The following PDE4D variants were observed in gnomAD, a reference collection of about 807,000 sequenced individuals.
PDE4D encodes the protein 3',5'-cyclic-AMP phosphodiesterase 4D.
PDE4D carries 24 observed loss-of-function variants against 87.4 expected under a neutral mutation model. The observed-to-expected ratio is 0.27, with a 90% CI of 0.20 to 0.39. The LOEUF (loss-of-function observed/expected upper bound fraction) is 0.39. Ranked by LOEUF, PDE4D falls within the 10% of genes least tolerant of loss-of-function variation. The probability of loss-of-function intolerance (pLI) is 1.00; values close to 1 mark genes in which losing one functional copy is unlikely to be tolerated. For synonymous variants in PDE4D, 384 were observed against 383.2 expected (o/e 1.00, Z -0.02); for missense variants, 714 against 1,041.0 (o/e 0.69, Z 4.32).
At chr5:59,077,728 T>C (rs1765954949) in intron 5 of PDE4D, among the ~76,000 whole-genome samples, 1 of 152,192 alleles carries the variant, frequency 6.6e-6, no homozygotes, top group African/African-American at 2.4e-5. Flanking sequence ...GTCAGTCAGC[T>C]ACTCTGGAGG....
chr5:59,021,006 G>C (rs1439326036), intron 6 of PDE4D, among the ~76,000 whole-genome samples: 2 of 152,188 alleles, frequency 1.3e-5, no homozygotes, highest in East Asian at 1.9e-4. Context: ...CCCAGGAAGA[G>C]ACAACTACTA....
intron 1 of PDE4D, among the ~76,000 whole-genome samples, chr5:60,246,136 T>C (rs1379833825): frequency 6.6e-6 from 1 of 151,880 alleles, no homozygotes; most frequent in African/African-American, 2.4e-5. Flanking sequence ...TTTTCTTATA[T>C]AGGCATTTAA....
intron 2 of PDE4D, among the ~76,000 whole-genome samples, chr5:60,121,879 C>T (rs1490054426): frequency 3.9e-5 from 6 of 152,068 alleles, no homozygotes; most frequent in Non-Finnish European, 8.8e-5. Context: ...CCTATGAGCC[C>T]GTAAAATCAA....
intron 2 of PDE4D, among the ~76,000 whole-genome samples, chr5:59,196,797 G>T (rs1216334233): frequency 6.6e-6 from 1 of 152,032 alleles, no homozygotes; most frequent in African/African-American, 2.4e-5. Flanking sequence ...ATAGTTCAAT[G>T]GTTTCTGACA....
At chr5:59,844,957 T>C (rs1381415335) in intron 1 of PDE4D, among the ~76,000 whole-genome samples, 1 of 151,958 alleles carries the variant, frequency 6.6e-6, no homozygotes, top group African/African-American at 2.4e-5. Context: ...AGTGGCCACG[T>C]TGTGAGAGGA....
At chr5:59,156,320 A>AATATATATATATATATAT (rs1554082853) in intron 5 of PDE4D, among the ~76,000 whole-genome samples, 12 of 81,772 alleles carry the variant, frequency 1.5e-4, no homozygotes, top group African/African-American at 3.1e-4. Flanking sequence ...AAAAAAAAAA[A>AATATATATATATATATAT]ATATATATAT....
At chr5:59,999,573 C>T (rs1175487801) in intron 2 of PDE4D, among the ~76,000 whole-genome samples, 1 of 145,414 alleles carries the variant, frequency 6.9e-6, no homozygotes, top group African/African-American at 2.5e-5. Flanking sequence ...CCCAAAATCT[C>T]TATGTGGGCT....
intron 1 of PDE4D, among the ~76,000 whole-genome samples, chr5:59,610,335 A>G (rs946477414): frequency 6.6e-6 from 1 of 152,210 alleles, no homozygotes; most frequent in African/African-American, 2.4e-5. Flanking sequence ...TATATCTACC[A>G]GCTTGAAGAT....
intron 2 of PDE4D, among the ~76,000 whole-genome samples, chr5:60,093,902 C>G (rs1368749167): frequency 2.0e-5 from 3 of 151,812 alleles, no homozygotes; most frequent in Non-Finnish European, 4.4e-5. Flanking sequence ...AGATAATATA[C>G]CAACAATTAT....
intron 1 of PDE4D, among the ~76,000 whole-genome samples, chr5:59,492,407 A>G (rs1217701228): frequency 1.3e-5 from 2 of 152,188 alleles, no homozygotes; most frequent in African/African-American, 4.8e-5. Context: ...AATTTCTACA[A>G]CATTTTACTT....
chr5:59,857,270 G>A (rs13170164), intron 1 of PDE4D, among the ~76,000 whole-genome samples: 1 of 152,076 alleles, frequency 6.6e-6, no homozygotes, highest in Admixed American at 6.6e-5. Flanking sequence ...TGCTTGGTAT[G>A]GAGAATAATA....
At chr5:59,748,722 G>A (rs1428582598) in intron 1 of PDE4D, among the ~76,000 whole-genome samples, 1 of 152,000 alleles carries the variant, frequency 6.6e-6, no homozygotes, top group African/African-American at 2.4e-5. Context: ...AATAATGGGT[G>A]CAGCACACCA....
At chr5:59,794,135 GCGCACA>G (rs1440821357) in intron 1 of PDE4D, among the ~76,000 whole-genome samples, 8 of 89,374 alleles carry the variant, frequency 9.0e-5, no homozygotes, top group East Asian at 7.1e-4. Context: ...ACACACAGAG[GCGCACA>G]CACACACACA....
intron 1 of PDE4D, chr5:59,797,242 A>C (rs1374112122): frequency 6.6e-6 from 1 of 152,248 alleles, no homozygotes; most frequent in Non-Finnish European, 1.5e-5. Context: ...GCTTGTGGGA[A>C]ATAGATTTTC....
At chr5:59,765,044 G>T (rs1183375064) in intron 1 of PDE4D, among the ~76,000 whole-genome samples, 1 of 152,090 alleles carries the variant, frequency 6.6e-6, no homozygotes, top group African/African-American at 2.4e-5. Context: ...TTCCACCATT[G>T]ACCAGCCATC....
intron 1 of PDE4D, among the ~76,000 whole-genome samples, chr5:60,220,988 T>A (rs1253322930): frequency 4.6e-5 from 7 of 152,130 alleles, no homozygotes; most frequent in African/African-American, 1.4e-4. Context: ...GATCACCCTT[T>A]ATGAACAACT....
At chr5:59,281,587 C>A (rs980739515) in intron 1 of PDE4D, among the ~76,000 whole-genome samples, 1 of 151,902 alleles carries the variant, frequency 6.6e-6, no homozygotes, top group Non-Finnish European at 1.5e-5. Context: ...ACATTTTAAC[C>A]CTTTCTAAGT....
At chr5:60,260,803 G>A (rs1185744917) in intron 1 of PDE4D, among the ~76,000 whole-genome samples, 2 of 152,240 alleles carry the variant, frequency 1.3e-5, no homozygotes, top group East Asian at 3.9e-4. Flanking sequence ...GGGACCATGT[G>A]TCTTCTGTAC....
intron 1 of PDE4D, among the ~76,000 whole-genome samples, chr5:59,698,580 G>A (rs955000436): frequency 6.6e-6 from 1 of 152,052 alleles, no homozygotes; most frequent in Non-Finnish European, 1.5e-5. Flanking sequence ...TAAAAAGAAT[G>A]ACAGCCCACA....
Sources: gnomAD v4.1 joint callset for allele counts (sites outside exome capture counted in the v4.1 genomes callset) on GRCh38, gnomAD v4.1.1 for gene constraint, MANE v1.5 for transcripts, NCBI Gene and HGNC (gene_info 2026-07-23, HGNC 2026-07-21) for gene names.